Variants in TXNDC9 observed in about 807,000 individuals in gnomAD.
TXNDC9 encodes the protein thioredoxin domain containing 9.
TXNDC9 carries 7 observed loss-of-function variants against 23.0 expected under a neutral mutation model. That is an observed-to-expected ratio of 0.30 (90% CI 0.17 to 0.57). The LOEUF is 0.57. Among genes scored for constraint, TXNDC9 ranks in the 20% least tolerant of loss-of-function variants. The pLI is 0.90. For synonymous variants in TXNDC9, 72 were observed against 90.6 expected, an observed-to-expected ratio of 0.79 and a Z score of 1.17; for missense variants, 198 against 252.6, an observed-to-expected ratio of 0.78 and a Z score of 1.47.
downstream of TXNDC9, among the ~76,000 whole-genome samples, chr2:99,315,102 A>G (rs1298373953): frequency 7.0e-4 from 84 of 120,178 alleles, no homozygotes; most frequent in Admixed American, 2.4e-3. Flanking sequence ...TCACTCTGTC[A>G]CCCAGGCTGG....
At chr2:99,307,580 A>G in the TXNDC9 span, 1 of 115,176 alleles carries the variant, frequency 8.7e-6, no homozygotes, top group South Asian at 3.6e-4. Context: ...TCTGCTGCAT[A>G]AGAAATATTG....
At chr2:99,328,101 A>AT (rs924846785) in intron 2 of TXNDC9, among the ~76,000 whole-genome samples, 31 of 147,746 alleles carry the variant, frequency 2.1e-4, no homozygotes, top group Non-Finnish European at 2.9e-4. Context: ...TTATTTATTT[A>AT]TTTTTTTTTT....
At chr2:99,315,578 C>T (rs12619366), downstream of TXNDC9, among the ~76,000 whole-genome samples, 1 of 152,172 alleles carries the variant, frequency 6.6e-6, no homozygotes, top group East Asian at 1.9e-4. Context: ...ATCAACAAGG[C>T]TTTGTGTAAC....
At chr2:99,329,448 G>A (rs2094220039) in intron 2 of TXNDC9, among the ~76,000 whole-genome samples, 1 of 152,212 alleles carries the variant, frequency 6.6e-6, no homozygotes, top group Non-Finnish European at 1.5e-5. Flanking sequence ...AGCCAGGAGG[G>A]CCATCTCCCT....
Position 99,333,059 on chromosome 2 carries a change from C to G in TXNDC9, c.152G>C (p.Arg51Thr). The G allele has an allele frequency of 6.2e-7, 1 of 1,614,114 alleles. No individual in the cohort carries two copies. The highest frequency in any genetic ancestry group is 8.5e-7 in the Non-Finnish European group (1 of 1,180,028). Residue 51 changes from arginine (R) to threonine (T), a missense_variant, in exon 2 of 5, where the codon AGA becomes ACA. Arg to Thr is a moderately conservative substitution (Grantham distance 71). Coordinates refer to ENST00000264255, the MANE Select transcript of TXNDC9 (RefSeq NM_005783.4). ...TTGAGCTTTCCTTAGTGCCTGGAGT[C>G]TCTTTTCTTTAAGGCGTTCCAATTC... ...EDELERLKEK[R>T]LQALRKAQQQ... is the part of the protein sequence containing the mutation.
At chr2:99,317,493 C>T (rs1273506366), downstream of TXNDC9, among the ~76,000 whole-genome samples, 1 of 152,198 alleles carries the variant, frequency 6.6e-6, no homozygotes, top group Admixed American at 6.5e-5. Flanking sequence ...GTCACCATGA[C>T]TACTCCCTCT....
intron 3 of TXNDC9, among the ~76,000 whole-genome samples, chr2:99,326,641 A>C (rs2094213309): frequency 6.6e-6 from 1 of 152,224 alleles, no homozygotes; most frequent in South Asian, 2.1e-4. Flanking sequence ...TCTTCTGAGG[A>C]GGTATTAACA....
intron 2 of TXNDC9, among the ~76,000 whole-genome samples, chr2:99,331,523 AAAAG>A (rs1391928835): frequency 3.3e-5 from 5 of 151,906 alleles, no homozygotes; most frequent in South Asian, 2.1e-4. Flanking sequence ...AAAAAAAAAA[AAAAG>A]AAAGAAAAGA....
At chr2:99,309,902 T>A in the TXNDC9 span, among the ~76,000 whole-genome samples, 7 of 152,130 alleles carry the variant, frequency 4.6e-5, no homozygotes, top group East Asian at 1.4e-3. Flanking sequence ...GTCAAGCTGG[T>A]TTGAACTCCT....
chr2:99,327,940 A>G (rs2094216644), intron 2 of TXNDC9, among the ~76,000 whole-genome samples: 1 of 151,602 alleles, frequency 6.6e-6, no homozygotes. Flanking sequence ...GGGCACCAGT[A>G]TGTCCAGCTA....
intron 2 of TXNDC9, among the ~76,000 whole-genome samples, chr2:99,329,795 C>A (rs2094220537): frequency 6.6e-6 from 1 of 151,516 alleles, no homozygotes; most frequent in Non-Finnish European, 1.5e-5. Context: ...CGGCGAAACC[C>A]TGTCTCTACA....
the TXNDC9 span, among the ~76,000 whole-genome samples, chr2:99,312,233 A>C: frequency 1.3e-5 from 2 of 152,094 alleles, no homozygotes; most frequent in African/African-American, 4.8e-5. Flanking sequence ...TTTCCCACTA[A>C]AATATTTCAC....
intron 3 of TXNDC9, among the ~76,000 whole-genome samples, chr2:99,322,951 C>T (rs1443424434): frequency 2.0e-5 from 3 of 151,888 alleles, no homozygotes; most frequent in African/African-American, 7.2e-5. Flanking sequence ...TTAGTAGAGA[C>T]GGGGTTTCAC....
chr2:99,322,764 ATT>A lies in TXNDC9; in HGVS notation c.309-557_309-556del, dbSNP rs1476029018. ...AAAAAATACCAGTAGTAACTTTTTT[ATT>A]TTTTATTTTTTTGGAGGTGGCGTAT... is the stretch of plus-strand genomic sequence containing the variant. On this transcript the variant is annotated intron_variant, in intron 3 of 4. Coordinates refer to ENST00000264255, the MANE Select transcript of TXNDC9 (RefSeq NM_005783.4). 4 of 1,345,604 alleles carry A rather than the reference ATT, an allele frequency of 3.0e-6. No homozygotes were observed. In the African/African-American group the frequency reaches 4.5e-5, roughly 15 times the overall value. 83.4% of individuals were successfully genotyped at this position (1,345,604 alleles called of 1,614,324 possible). A position where few individuals can be genotyped will look rare whatever the true frequency, so the allele number is the denominator to read the frequency against.
intron 4 of TXNDC9, chr2:99,321,679 T>G (rs2105319749): frequency 3.5e-6 from 1 of 288,836 alleles, no homozygotes; most frequent in East Asian, 6.5e-5. Context: ...AAAATTAGTG[T>G]CAATAGTATA....
chr2:99,318,473 C>A (rs1478983704), downstream of TXNDC9, among the ~76,000 whole-genome samples: 8 of 152,132 alleles, frequency 5.3e-5, no homozygotes, highest in Non-Finnish European at 1.2e-4. Flanking sequence ...CGTGCCCGGC[C>A]CAGAGCTGTT....
At chr2:99,323,765 C>A (rs1036291120) in intron 3 of TXNDC9, among the ~76,000 whole-genome samples, 6 of 152,124 alleles carry the variant, frequency 3.9e-5, no homozygotes, top group African/African-American at 1.4e-4. Flanking sequence ...GGCCAATTCA[C>A]GAGTGTTTCT....
chr2:99,323,031 G>T (rs934494078), intron 3 of TXNDC9, among the ~76,000 whole-genome samples: 1 of 152,140 alleles, frequency 6.6e-6, no homozygotes, highest in African/African-American at 2.4e-5. Context: ...GAAGTGCTAG[G>T]ATTACAAGCG....
chr2:99,330,875 A>G (rs1231989968), intron 2 of TXNDC9, among the ~76,000 whole-genome samples: 2 of 152,252 alleles, frequency 1.3e-5, no homozygotes, highest in Non-Finnish European at 2.9e-5. Flanking sequence ...TTTCCAGAAA[A>G]TATTTTAATA....
Sources: gnomAD v4.1 joint callset for allele counts (sites outside exome capture counted in the v4.1 genomes callset) on GRCh38, gnomAD v4.1.1 for gene constraint, MANE v1.5 for transcripts, NCBI Gene and HGNC (gene_info 2026-07-23, HGNC 2026-07-21) for gene names.